The following ROR1 variants were observed in gnomAD, a reference collection of about 807,000 sequenced individuals.
The protein encoded by ROR1 is ROR family WNT receptor 1.
ROR1 carries 19 observed loss-of-function variants against 78.8 expected under a neutral mutation model. That is an observed-to-expected ratio of 0.24 (90% CI 0.17 to 0.35). The LOEUF (loss-of-function observed/expected upper bound fraction) is 0.35, where lower values mean the gene tolerates loss of function less well. Ranked by LOEUF, ROR1 falls within the 10% of genes least tolerant of loss-of-function variation. The probability of loss-of-function intolerance (pLI) is 1.00; values close to 1 mark genes in which losing one functional copy is unlikely to be tolerated. For missense variants in ROR1, 917 were observed against 1,177.8 expected (o/e 0.78, Z 3.24); for synonymous variants, 386 against 433.6 (o/e 0.89, Z 1.36).
At chr1:64,121,007 T>A (rs1648510297) in intron 4 of ROR1, among the ~76,000 whole-genome samples, 1 of 148,104 alleles carries the variant, frequency 6.8e-6, no homozygotes. Flanking sequence ...TTGTTCTGGA[T>A]GACTTCTTCA....
At chr1:64,139,514 C>G (rs896623045) in intron 5 of ROR1, among the ~76,000 whole-genome samples, 1 of 152,164 alleles carries the variant, frequency 6.6e-6, no homozygotes, top group Non-Finnish European at 1.5e-5. Context: ...AGAGATTAAG[C>G]TAAGGAACCA....
At chr1:64,030,011 C>T (rs1019492032) in intron 2 of ROR1, among the ~76,000 whole-genome samples, 13 of 152,148 alleles carry the variant, frequency 8.5e-5, no homozygotes, top group African/African-American at 2.9e-4. Context: ...GTTGCCCTTT[C>T]ACCTACTCAA....
At chr1:63,808,698 G>A (rs760052256) in intron 1 of ROR1, among the ~76,000 whole-genome samples, 1 of 152,198 alleles carries the variant, frequency 6.6e-6, no homozygotes, top group Non-Finnish European at 1.5e-5. Context: ...CTCTCTGGCT[G>A]CAAGGAGGCT....
At chr1:63,838,070 C>T (rs142417746) in intron 1 of ROR1, among the ~76,000 whole-genome samples, 154 of 152,072 alleles carry the variant, frequency 1.0e-3, no homozygotes, top group African/African-American at 3.4e-3. Flanking sequence ...ACCTGCCCTG[C>T]CAGTCCTGTA....
chr1:63,855,219 T>TA lies in ROR1; in HGVS notation c.91+80712dup, dbSNP rs1264293940. ...AATCTGTTCCTCTCCTCTAAACAGT[T>TA]ATGTGTACTATGTGTTTGGTAATTA... On this transcript the variant is annotated intron_variant, in intron 1 of 8. Coordinates refer to ENST00000371079, the MANE Select transcript of ROR1 (RefSeq NM_005012.4). Among the ~76,000 whole-genome samples, 178 of 152,342 alleles carry TA rather than the reference T, an allele frequency of 1.2e-3. 3 individuals are homozygous for TA. The highest frequency in any genetic ancestry group is 4.1e-3 in the African/African-American group (169 of 41,570).
chr1:63,925,865 G>GT (rs1233425876), intron 1 of ROR1, among the ~76,000 whole-genome samples: 3 of 150,844 alleles, frequency 2.0e-5, no homozygotes, highest in Admixed American at 6.6e-5. Flanking sequence ...GGGGTTGTTT[G>GT]TTTTTTTCTT....
intron 5 of ROR1, among the ~76,000 whole-genome samples, chr1:64,139,015 A>C (rs1448214684): frequency 6.6e-6 from 1 of 151,868 alleles, no homozygotes; most frequent in Non-Finnish European, 1.5e-5. Flanking sequence ...AACAATACAA[A>C]TATCAGCTGG....
chr1:63,853,046 A>G lies in ROR1; in HGVS notation c.91+78538A>G, dbSNP rs138631088. Among the ~76,000 whole-genome samples, 846 of 152,328 alleles carry G rather than the reference A, an allele frequency of 5.6e-3. 9 individuals are homozygous for G. The highest frequency in any genetic ancestry group is 0.019 in the African/African-American group (802 of 41,578). ...AGTTCTAAGACTGAGATGTTGTATC[A>G]TTATCAGTACCTGGCATAAATATAT... On this transcript the variant is annotated intron_variant, in intron 1 of 8. Coordinates refer to ENST00000371079, the MANE Select transcript of ROR1 (RefSeq NM_005012.4).
intron 2 of ROR1, among the ~76,000 whole-genome samples, chr1:64,035,669 C>A (rs1253676734): frequency 6.6e-6 from 1 of 152,118 alleles, no homozygotes; most frequent in Non-Finnish European, 1.5e-5. Context: ...GAGTGTTGAT[C>A]TTCTACTGTG....
chr1:64,092,635 A>G lies in ROR1; in HGVS notation c.482+41919A>G, dbSNP rs566792281. ...TGGTGAAACTTTTTGAATGTATCCC[A>G]TTTTTAAGCTTTCTGCTAGAAAACC... is the stretch of plus-strand genomic sequence containing the variant. On this transcript the variant is annotated intron_variant, in intron 4 of 8. Transcript: ENST00000371079. Among the ~76,000 whole-genome samples, 138 of 152,288 alleles carry G rather than the reference A, an allele frequency of 9.1e-4. 1 individual carries two copies. Among genetic ancestry groups the G allele is most frequent in the African/African-American group, 3.2e-3 (133 of 41,566 alleles).
intron 2 of ROR1, 113 bp downstream of exon 2, chr1:64,009,489 G>T: frequency 1.4e-6 from 1 of 720,494 alleles, no homozygotes; most frequent in Non-Finnish European, 2.4e-6. Flanking sequence ...AAGGAGGTGG[G>T]GGCCAAAATA....
chr1:63,778,845 GC>G (rs1317279974), intron 1 of ROR1, among the ~76,000 whole-genome samples: 2 of 152,158 alleles, frequency 1.3e-5, no homozygotes, highest in Non-Finnish European at 1.5e-5. Context: ...GGGCTTACAA[GC>G]CCTAACAGTT....
intron 4 of ROR1, among the ~76,000 whole-genome samples, chr1:64,060,486 C>G (rs1426622333): frequency 6.6e-6 from 1 of 152,172 alleles, no homozygotes; most frequent in Non-Finnish European, 1.5e-5. Flanking sequence ...CTATTTTCCT[C>G]TTTTATCCAT....
chr1:64,008,301 T>C (rs1314425140), intron 1 of ROR1, among the ~76,000 whole-genome samples: 1 of 152,240 alleles, frequency 6.6e-6, no homozygotes, highest in Non-Finnish European at 1.5e-5. Context: ...GATTTCATTA[T>C]TTTTATGGCT....
intron 1 of ROR1, among the ~76,000 whole-genome samples, chr1:63,875,407 G>A (rs749491848): frequency 4.6e-5 from 7 of 152,100 alleles, no homozygotes; most frequent in Non-Finnish European, 8.8e-5. Context: ...GTGTGTTTTG[G>A]GGGAAATTAC....
At chr1:63,821,769 G>T (rs370879912) in intron 1 of ROR1, among the ~76,000 whole-genome samples, 1 of 152,194 alleles carries the variant, frequency 6.6e-6, no homozygotes, top group East Asian at 1.9e-4. Flanking sequence ...TCAGCCGTGA[G>T]GATATTTTGG....
intron 1 of ROR1, among the ~76,000 whole-genome samples, chr1:63,893,392 A>G (rs1237798028): frequency 1.3e-5 from 2 of 152,146 alleles, no homozygotes; most frequent in Admixed American, 6.6e-5. Flanking sequence ...GTGCAGAGAT[A>G]GAGACTGGGA....
intron 1 of ROR1, among the ~76,000 whole-genome samples, chr1:63,846,832 A>C (rs911888019): frequency 6.6e-6 from 1 of 152,198 alleles, no homozygotes; most frequent in Non-Finnish European, 1.5e-5. Flanking sequence ...GGCCTCTAGA[A>C]GCTCACTAAC....
chr1:63,782,502 G>C (rs1222602853), intron 1 of ROR1, among the ~76,000 whole-genome samples: 1 of 149,836 alleles, frequency 6.7e-6, no homozygotes. Context: ...GGTTTTATGT[G>C]AACCAAAAAC....
Sources: allele counts gnomAD v4.1 joint callset (sites outside exome capture counted in the v4.1 genomes callset), GRCh38; gene constraint gnomAD v4.1.1; transcripts MANE v1.5; gene names NCBI Gene and HGNC (gene_info 2026-07-23, HGNC 2026-07-21).